TTC6: variants seen among roughly 807,000 people sequenced by gnomAD.
TTC6 encodes tetratricopeptide repeat protein 6.
TTC6 carries 172 observed loss-of-function variants against 210.4 expected under a neutral mutation model. The ratio of observed to expected loss-of-function variants is 0.82; its 90% CI spans 0.72 to 0.93. TTC6 has a LOEUF of 0.93. Among genes scored for constraint, TTC6 ranks in the 40% least tolerant of loss-of-function variants. The pLI, the probability that TTC6 is intolerant of heterozygous loss-of-function variation, is 0.00. For missense variants in TTC6, 2,414 were observed against 2,318.1 expected (o/e 1.04, Z -0.85); for synonymous variants, 804 against 819.6 (o/e 0.98, Z 0.32).
intron 3 of TTC6, among the ~76,000 whole-genome samples, chr14:37,691,940 C>G (rs1223567175): frequency 6.6e-6 from 1 of 151,780 alleles, no homozygotes; most frequent in Non-Finnish European, 1.5e-5. Context: ...AAGAAATGGA[C>G]AGATCCCTAG....
rs114940652 is a variant in TTC6 at position 37,796,227 on chromosome 14, A to G, written c.3792-67A>G. 1.7e-3 allele frequency: 1,150 copies of G among 671,206 alleles called. 15 individuals carry two copies. In the African/African-American group the frequency reaches 0.02, roughly 12 times the overall value. 41.6% of individuals were successfully genotyped at this position (671,206 alleles called of 1,614,324 possible). ...ATTGTAAAATTGTAAGTAACTGATT[A>G]GAAGAAACTTTATTTTAGAAAGTTA... On this transcript the variant is annotated intron_variant, in intron 18 of 30. Coordinates refer to ENST00000553443, the Ensembl canonical transcript of TTC6.
rs3062823 is a variant in TTC6, at chr14:37,787,889, C to CTGTGTGTGTGTG, written c.3436+276_3436+287dup. On this transcript the variant is annotated intron_variant, in intron 15 of 30. Coordinates refer to ENST00000553443, the Ensembl canonical transcript of TTC6. ...ATATGCCCTTTATGTGTGTGTGTGT[C>CTGTGTGTGTGTG]TGTGTGTGTGTGTGTGTGTGTGTGT... Among the ~76,000 whole-genome samples, 206 of 147,312 alleles carry CTGTGTGTGTGTG rather than the reference C, an allele frequency of 1.4e-3. 1 individual carries two copies. Among genetic ancestry groups the CTGTGTGTGTGTG allele is most frequent in the Middle Eastern group, 6.9e-3 (2 of 290 alleles).
At chr14:37,756,262 G>A (rs141378440) in intron 14 of TTC6, among the ~76,000 whole-genome samples, 19,766 of 152,136 alleles carry the variant, frequency 0.13, 1,669 homozygotes, top group Non-Finnish European at 0.2. Context: ...AGATGATGGC[G>A]TTTTCTAAAT....
chr14:37,792,968 G>A (rs2096083893), intron 17 of TTC6, among the ~76,000 whole-genome samples: 2 of 151,988 alleles, frequency 1.3e-5, no homozygotes, highest in Admixed American at 1.3e-4. Context: ...AATTAAAACA[G>A]CACAATAAAT....
At chr14:37,793,753 TGA>T (rs2139350093) in intron 17 of TTC6, among the ~76,000 whole-genome samples, 1 of 152,324 alleles carries the variant, frequency 6.6e-6, no homozygotes, top group African/African-American at 2.4e-5. Context: ...AAGGCTGTTC[TGA>T]GAGACGAAAA....
At chr14:37,617,634 CT>C (rs546968926), upstream of TTC6, among the ~76,000 whole-genome samples, 4 of 151,774 alleles carry the variant, frequency 2.6e-5, no homozygotes, top group South Asian at 2.1e-4. Flanking sequence ...TCTTTTGAGG[CT>C]TTTTTTTGGT....
At chr14:37,822,689 C>G (rs1163911274) in intron 26 of TTC6, among the ~76,000 whole-genome samples, 1 of 152,132 alleles carries the variant, frequency 6.6e-6, no homozygotes, top group African/African-American at 2.4e-5. Flanking sequence ...CTCACTGTTT[C>G]TTGTGCACCA....
chr14:37,634,297 A>C (rs763380146), intron 1 of TTC6, among the ~76,000 whole-genome samples: 22 of 152,168 alleles, frequency 1.4e-4, no homozygotes, highest in Admixed American at 3.9e-4. Context: ...ATCAAAGAAG[A>C]ACCAAAGGAA....
rs146901065 is a variant in TTC6 at position 37,638,504 on chromosome 14, C to A, written c.939+15501C>A. ...TCCTGACCTCAGGTGATCTACCCGC[C>A]TTGGCCTCCCAAAGTGCTGGGATTA... On this transcript the variant is annotated intron_variant, in intron 1 of 30. Transcript: ENST00000553443. Among the ~76,000 whole-genome samples the A allele has an allele frequency of 1.6e-3, 248 of 152,168 alleles. 3 individuals are homozygous for A. Among genetic ancestry groups the A allele is most frequent in the African/African-American group, 5.7e-3 (235 of 41,522 alleles).
upstream of TTC6, chr14:37,622,004 T>C (rs2095651841): frequency 2.5e-6 from 3 of 1,211,254 alleles, no homozygotes; most frequent in Non-Finnish European, 3.4e-6. Context: ...TATTTATGTA[T>C]ATACGCACAC....
exon 1 of TTC6, chr14:37,622,865 G>T: frequency 6.5e-7 from 1 of 1,534,772 alleles, no homozygotes; most frequent in Non-Finnish European, 8.7e-7. Flanking sequence ...GGCAGGCGCT[G>T]CTGCCCTCCC....
upstream of TTC6, among the ~76,000 whole-genome samples, chr14:37,618,651 C>A (rs571666699): frequency 6.6e-6 from 1 of 152,286 alleles, no homozygotes; most frequent in African/African-American, 2.4e-5. Flanking sequence ...AATAAAGGCA[C>A]TTAGCTTTGA....
intron 1 of TTC6, among the ~76,000 whole-genome samples, chr14:37,601,088 T>C (rs1354694697): frequency 6.6e-6 from 1 of 152,122 alleles, no homozygotes. Flanking sequence ...ACCAGAATCA[T>C]GGATCAAAGT....
At chr14:37,717,856 C>T (rs530246546) in intron 6 of TTC6, among the ~76,000 whole-genome samples, 2 of 152,256 alleles carry the variant, frequency 1.3e-5, no homozygotes, top group South Asian at 2.1e-4. Context: ...ATTTAATTGT[C>T]GTTGTAACAG....
chr14:37,734,633 C>T (rs2095896671), intron 7 of TTC6, among the ~76,000 whole-genome samples: 1 of 152,094 alleles, frequency 6.6e-6, no homozygotes, highest in Non-Finnish European at 1.5e-5. Flanking sequence ...AAACTGTTTC[C>T]ATTTCTGTTT....
intron 10 of TTC6, among the ~76,000 whole-genome samples, chr14:37,739,358 A>C (rs1419573689): frequency 6.6e-6 from 1 of 151,682 alleles, no homozygotes; most frequent in African/African-American, 2.4e-5. Flanking sequence ...GGGCGGATCA[A>C]CTGAAGTCAG....
Position 37,725,234 on chromosome 14 carries a change from CAT to C in TTC6, c.1818+235_1818+236del, listed in dbSNP as rs1022527266. Among the ~76,000 whole-genome samples, 110 of 122,800 alleles carry C rather than the reference CAT, an allele frequency of 9.0e-4. 1 individual carries two copies. Among genetic ancestry groups the C allele is most frequent in the East Asian group, 2.3e-3 (10 of 4,300 alleles). 80.6% of individuals were successfully genotyped at this position (122,800 alleles called of 152,430 possible). ...TTATAAATTTATAATTTTATATGTTCATATGTGTGTGTGTATATATATACATG... is the reference window on the plus strand; with the variant it reads ...TTATAAATTTATAATTTTATATGTTCATGTGTGTGTGTATATATATACATG... On this transcript the variant is annotated intron_variant, in intron 7 of 30. Coordinates refer to ENST00000553443, the Ensembl canonical transcript of TTC6.
At chr14:37,728,851 A>G (rs1213169437) in intron 7 of TTC6, among the ~76,000 whole-genome samples, 2 of 152,200 alleles carry the variant, frequency 1.3e-5, no homozygotes, top group Non-Finnish European at 2.9e-5. Context: ...TAAAAATTCA[A>G]ACAATAAAGA....
chr14:37,710,682 A>C (rs2095843191), intron 5 of TTC6, among the ~76,000 whole-genome samples: 1 of 152,160 alleles, frequency 6.6e-6, no homozygotes, highest in African/African-American at 2.4e-5. Context: ...CTGAAGAGGA[A>C]ACATAGCACA....
Sources: gnomAD v4.1 joint callset for allele counts (sites outside exome capture counted in the v4.1 genomes callset) on GRCh38, gnomAD v4.1.1 for gene constraint, MANE v1.5 for transcripts, NCBI Gene and HGNC (gene_info 2026-07-23, HGNC 2026-07-21) for gene names.